PPP2R2C: variants seen among roughly 807,000 people sequenced by gnomAD.
PPP2R2C encodes protein phosphatase 2, regulatory subunit B, gamma.
PPP2R2C carries 10 observed loss-of-function variants against 45.3 expected under a neutral mutation model. The observed-to-expected ratio is 0.22, with a 90% CI of 0.14 to 0.37. The LOEUF is 0.37. Ranked by LOEUF, PPP2R2C falls within the 10% of genes least tolerant of loss-of-function variation. The pLI is 1.00. For missense variants in PPP2R2C, 308 were observed against 619.7 expected, an observed-to-expected ratio of 0.50 and a Z score of 5.34; for synonymous variants, 257 against 245.4, an observed-to-expected ratio of 1.05 and a Z score of -0.44.
Position 6,548,635 on chromosome 4 carries a change from C to A in PPP2R2C, c.-58-13258G>T, listed in dbSNP as rs185837648. On this transcript the variant is annotated intron_variant, in intron 1 of 9. Transcript: ENST00000506140. ...CCGACAGCCATGCAAGTGTGACTGA[C>A]CCTCTCAGCCAACCGACAGCAAGCT... Among the ~76,000 whole-genome samples, 20 of 152,328 alleles carry A rather than the reference C, an allele frequency of 1.3e-4. No individual in the cohort carries two copies. In the East Asian group the frequency reaches 3.9e-3, roughly 29 times the overall value.
rs574269263 is a variant in PPP2R2C, at chr4:6,467,066, T to G, written c.70+5094A>C. 7.9e-5 allele frequency among the ~76,000 whole-genome samples: 12 copies of G among 152,112 alleles called. No homozygotes were observed. The South Asian group carries it at 2.5e-3, about 32-fold the overall frequency. On this transcript the variant is annotated intron_variant, in intron 1 of 8. Transcript: ENST00000382599. The stretch of plus-strand genomic sequence containing the variant: ...GGAAACTGAGGCTCAGAAAGTGATG[T>G]GATTTGATGGAGGGCACCCCAGCAC...
At chr4:6,467,570 A>C (rs1449250427) in intron 1 of PPP2R2C, among the ~76,000 whole-genome samples, 2 of 152,172 alleles carry the variant, frequency 1.3e-5, no homozygotes, top group Non-Finnish European at 2.9e-5. Context: ...GAAATGAAAG[A>C]GGGTTCTCAA....
chr4:6,484,624 T>C (rs1722473221), intron 2 of PPP2R2C, among the ~76,000 whole-genome samples: 1 of 151,870 alleles, frequency 6.6e-6, no homozygotes. Flanking sequence ...TCCCATAGTA[T>C]ATCTCTCCAC....
chr4:6,542,619 G>T (rs1033449445), intron 1 of PPP2R2C, among the ~76,000 whole-genome samples: 5 of 151,328 alleles, frequency 3.3e-5, no homozygotes, highest in Admixed American at 6.6e-5. Flanking sequence ...AGGGAGAATT[G>T]CTTGAACCTG....
intron 1 of PPP2R2C, among the ~76,000 whole-genome samples, chr4:6,548,431 G>A (rs1481436827): frequency 6.6e-6 from 1 of 152,228 alleles, no homozygotes; most frequent in Non-Finnish European, 1.5e-5. Flanking sequence ...GGGCTGATGA[G>A]GGTGCAGAGC....
chr4:6,497,374 T>C (rs749350865), intron 2 of PPP2R2C, among the ~76,000 whole-genome samples: 3 of 151,976 alleles, frequency 2.0e-5, no homozygotes, highest in Non-Finnish European at 4.4e-5. Context: ...ACACTGTGCA[T>C]ATCAGGAAAT....
intron 1 of PPP2R2C, chr4:6,384,222 G>A (rs1197697205): frequency 2.7e-5 from 27 of 985,330 alleles, no homozygotes; most frequent in African/African-American, 7.0e-5. Flanking sequence ...CCGATGGGGC[G>A]CTGGTTCTTG....
intron 1 of PPP2R2C, chr4:6,414,117 TGTG>T: frequency 8.8e-7 from 1 of 1,133,874 alleles, no homozygotes; most frequent in African/African-American, 1.6e-5. Context: ...TGTGTGTGTG[TGTG>T]TGTACAGGTA....
Position 6,472,143 on chromosome 4 carries a change from G to A in PPP2R2C, c.70+17C>T. The A allele has an allele frequency of 1.2e-6, 2 of 1,613,492 alleles. No individual in the cohort carries two copies. The highest frequency in any genetic ancestry group is 1.7e-6 in the Non-Finnish European group (2 of 1,179,616). On this transcript the variant is annotated intron_variant, in intron 1 of 8. Coordinates refer to ENST00000382599, the MANE Select transcript of PPP2R2C (RefSeq NM_020416.4). ...GCCGCGGCCGGCCGGAGGGGTCTCA[G>A]ACAACACGTACGTTACCTTCAGTCA...
chr4:6,535,097 G>A (rs1038870317), intron 2 of PPP2R2C, among the ~76,000 whole-genome samples: 18 of 152,178 alleles, frequency 1.2e-4, no homozygotes, highest in African/African-American at 3.9e-4. Context: ...GGGCCCAGGC[G>A]GCAGGAGCCA....
intron 5 of PPP2R2C, among the ~76,000 whole-genome samples, chr4:6,348,254 C>A (rs1480850364): frequency 2.6e-5 from 4 of 151,948 alleles, no homozygotes; most frequent in Admixed American, 1.3e-4. Context: ...CCACTTCCCT[C>A]CTGACCTGCG....
upstream of PPP2R2C, among the ~76,000 whole-genome samples, chr4:6,473,821 G>C (rs1560574278): frequency 6.6e-6 from 1 of 152,166 alleles, no homozygotes; most frequent in Admixed American, 6.5e-5. Flanking sequence ...TTGAGAGGGA[G>C]TTTTTGAAGC....
intron 8 of PPP2R2C, among the ~76,000 whole-genome samples, chr4:6,326,004 C>T (rs1731909166): frequency 6.6e-6 from 1 of 152,260 alleles, no homozygotes; most frequent in African/African-American, 2.4e-5. Context: ...GGCGCCACTG[C>T]ACTCCCTATC....
At chr4:6,414,181 CCTGGCTGGAGCTAGAA>C (rs112913660) in intron 1 of PPP2R2C, 228,609 of 765,304 alleles carry the variant, frequency 0.3, 56,231 homozygotes, top group Middle Eastern at 0.33. Flanking sequence ...TTTTCCTCCT[CCTGGCTGGAGCTAGAA>C]CTGGCTGGAG....
chr4:6,457,541 T>G (rs1721109696), intron 1 of PPP2R2C, among the ~76,000 whole-genome samples: 1 of 151,980 alleles, frequency 6.6e-6, no homozygotes, highest in Non-Finnish European at 1.5e-5. Flanking sequence ...TTGGCTAATT[T>G]TTTTTTATTT....
intron 1 of PPP2R2C, among the ~76,000 whole-genome samples, chr4:6,554,654 G>A (rs1725301639): frequency 6.6e-6 from 1 of 152,100 alleles, no homozygotes. Flanking sequence ...GAGGTCAGGA[G>A]TTCAAGACCA....
intron 6 of PPP2R2C, among the ~76,000 whole-genome samples, chr4:6,334,415 C>T (rs777456214): frequency 3.9e-5 from 6 of 152,170 alleles, no homozygotes; most frequent in Admixed American, 2.0e-4. Context: ...TGCTGCCCAC[C>T]TGGACAATTA....
intron 7 of PPP2R2C, among the ~76,000 whole-genome samples, chr4:6,333,178 G>A (rs964522159): frequency 5.3e-5 from 8 of 152,296 alleles, no homozygotes; most frequent in African/African-American, 1.9e-4. Flanking sequence ...GGAGGGCAAC[G>A]CTTAACCCTC....
chr4:6,410,086 G>T (rs1024991340), intron 1 of PPP2R2C, among the ~76,000 whole-genome samples: 1 of 152,128 alleles, frequency 6.6e-6, no homozygotes, highest in African/African-American at 2.4e-5. Flanking sequence ...GCTGGCTCGG[G>T]GCAGACACCC....
Sources: gnomAD v4.1 joint callset for allele counts (sites outside exome capture counted in the v4.1 genomes callset) on GRCh38, gnomAD v4.1.1 for gene constraint, MANE v1.5 for transcripts, NCBI Gene and HGNC (gene_info 2026-07-23, HGNC 2026-07-21) for gene names.